Variants in USP54 observed in about 807,000 individuals in gnomAD.
The protein encoded by USP54 is ubiquitin carboxyl-terminal hydrolase 54.
A neutral mutation model predicts 170.5 loss-of-function variants in USP54; 87 were observed. That is an observed-to-expected ratio of 0.51 (90% confidence interval 0.43 to 0.61). The LOEUF (loss-of-function observed/expected upper bound fraction) is 0.61, where lower values mean the gene tolerates loss of function less well. USP54 is among the 20% of genes least tolerant of loss of function. The probability of loss-of-function intolerance (pLI) is 0.00; values close to 1 mark genes in which losing one functional copy is unlikely to be tolerated. For missense variants in USP54, 1,786 were observed against 2,047.8 expected (o/e 0.87, Z 2.47); for synonymous variants, 655 against 742.8 (o/e 0.88, Z 1.92).
chr10:73,516,809 G>T lies in USP54; in HGVS notation c.3617C>A (p.Ser1206Tyr). 3.1e-6 allele frequency: 5 copies of T among 1,614,214 alleles called. No homozygotes were observed. The South Asian group carries it at 5.5e-5, about 18-fold the overall frequency. Residue 1206 changes from serine to tyrosine, a missense_variant, in exon 20 of 24, where the codon TCT (serine) becomes TAT (tyrosine). By Grantham distance (144) the Ser-to-Tyr change is moderately radical. This residue lies in a region of USP54 where 1,418 missense variants were observed against 1,569.0 expected (regional missense o/e 0.90). Coordinates refer to ENST00000687698, the MANE Select transcript of USP54 (RefSeq NM_001391956.1). ...PLSWEESTEH[S>Y]SLALNSGLPN... The stretch of plus-strand genomic sequence containing the variant: ...CAGCCCAGAGTTTAAGGCAAGAGAA[G>T]AATGTTCAGTGGACTCTTCCCAGGA...
At chr10:73,616,021 A>G (rs1415132913) in intron 1 of USP54, among the ~76,000 whole-genome samples, 5 of 150,262 alleles carry the variant, frequency 3.3e-5, no homozygotes, top group Non-Finnish European at 5.9e-5. Context: ...AGCCTGGCCA[A>G]CATGGCAAAA....
rs117664956 is a variant in USP54 at position 73,505,557 on chromosome 10, G to A, written c.4052-131C>T. On this transcript the variant is annotated intron_variant, in intron 20 of 23. Transcript: ENST00000687698. ...AATATGCATCCTTGAATTCAACGGA[G>A]GAACATGCTCCTGGAATTTAGAAGC... is the stretch of plus-strand genomic sequence containing the variant. The A allele has an allele frequency of 6.0e-3, 4,260 of 711,692 alleles. 20 individuals carry two copies. The highest frequency in any genetic ancestry group is 8.5e-3 in the Non-Finnish European group (3,745 of 438,044). The allele number at this position is 711,692 out of a possible 1,614,324, so 44.1% of individuals were successfully genotyped here. A position where few individuals can be genotyped will look rare whatever the true frequency, so the allele number is the denominator to read the frequency against.
intron 20 of USP54, among the ~76,000 whole-genome samples, chr10:73,513,017 C>T (rs2060456601): frequency 6.6e-6 from 1 of 150,986 alleles, no homozygotes; most frequent in African/African-American, 2.4e-5. Context: ...AACATGAGAC[C>T]CTGTCTCAAA....
chr10:73,525,515 C>A (rs1404694800), intron 16 of USP54, among the ~76,000 whole-genome samples: 1 of 152,120 alleles, frequency 6.6e-6, no homozygotes, highest in East Asian at 1.9e-4. Context: ...TTCAGGAGAT[C>A]ATGAGACTCA....
At chr10:73,579,843 T>C (rs932974088) in intron 1 of USP54, among the ~76,000 whole-genome samples, 1 of 152,078 alleles carries the variant, frequency 6.6e-6, no homozygotes, top group Non-Finnish European at 1.5e-5. Context: ...AAACAAGATA[T>C]ACAAATGGTA....
At chr10:73,539,648 C>A in intron 9 of USP54, 55 bp from the exon 10 acceptor site, 4 of 1,506,088 alleles carry the variant, frequency 2.7e-6, no homozygotes, top group Non-Finnish European at 3.6e-6. Flanking sequence ...CATTCCACAT[C>A]ATCTCTCAGC....
chr10:73,605,042 A>G (rs191286746), intron 1 of USP54, among the ~76,000 whole-genome samples: 1 of 152,024 alleles, frequency 6.6e-6, no homozygotes, highest in East Asian at 1.9e-4. Context: ...TGCATTTACA[A>G]TCCTTTAGCT....
intron 4 of USP54, among the ~76,000 whole-genome samples, chr10:73,547,229 C>T (rs1459325350): frequency 1.3e-5 from 2 of 152,096 alleles, no homozygotes; most frequent in Non-Finnish European, 2.9e-5. Context: ...TGGTGAAACC[C>T]CGTCTCTACT....
chr10:73,567,654 A>G (rs1165570373), intron 4 of USP54, among the ~76,000 whole-genome samples: 1 of 152,206 alleles, frequency 6.6e-6, no homozygotes, highest in Non-Finnish European at 1.5e-5. Flanking sequence ...TCTGTGCAAC[A>G]AGAGTGAAAC....
At chr10:73,548,735 G>C (rs897716459) in intron 4 of USP54, among the ~76,000 whole-genome samples, 1 of 152,088 alleles carries the variant, frequency 6.6e-6, no homozygotes, top group East Asian at 1.9e-4. Context: ...GTCGGGAGGT[G>C]GGGGGCTGAG....
intron 16 of USP54, among the ~76,000 whole-genome samples, chr10:73,526,136 T>C (rs1220302510): frequency 6.6e-6 from 1 of 152,096 alleles, no homozygotes; most frequent in Non-Finnish European, 1.5e-5. Flanking sequence ...TCCCTCCAGG[T>C]AGAAAGAAAT....
intron 19 of USP54, 151 bp from the exon 20 acceptor site, chr10:73,517,898 C>T (rs1190153843): frequency 9.4e-7 from 1 of 1,064,190 alleles, no homozygotes; most frequent in Non-Finnish European, 1.3e-6. Flanking sequence ...GTCAGTAGTT[C>T]AGAGGATCAC....
At chr10:73,551,003 G>T (rs888673872) in intron 4 of USP54, among the ~76,000 whole-genome samples, 2 of 152,142 alleles carry the variant, frequency 1.3e-5, no homozygotes, top group Admixed American at 1.3e-4. Context: ...TACTGCGGAG[G>T]CTGAGGCAGG....
In USP54 at chr10:73,500,772, CAG is replaced by C; in HGVS notation, c.4376_4377del (p.Pro1459ArgfsTer4). On this transcript the variant is annotated frameshift_variant, in exon 23 of 24. Transcript: ENST00000687698. LOFTEE classifies it high-confidence loss of function. Reference sequence around the variant, plus strand: ...AGAAACACAGAAGGGTCATGGATGACAGGGAGGGAAGAGGAGCTGGAACAACG... The same window carrying C: ...AGAAACACAGAAGGGTCATGGATGACGGAGGGAAGAGGAGCTGGAACAACG... The part of the protein sequence containing the change: ...GHRCSSSSSL[P>X]VIHDPSVFLL... The C allele has an allele frequency of 6.2e-7, 1 of 1,600,866 alleles. No homozygotes were observed. The highest frequency in any genetic ancestry group is 8.5e-7 in the Non-Finnish European group (1 of 1,175,242).
At chr10:73,539,990 G>A (rs2066241393) in intron 9 of USP54, among the ~76,000 whole-genome samples, 1 of 152,028 alleles carries the variant, frequency 6.6e-6, no homozygotes, top group Non-Finnish European at 1.5e-5. Flanking sequence ...GCTGGGTGTG[G>A]TGGTGCATGT....
At chr10:73,561,700 T>C (rs916273239) in intron 4 of USP54, among the ~76,000 whole-genome samples, 2 of 152,184 alleles carry the variant, frequency 1.3e-5, no homozygotes, top group African/African-American at 4.8e-5. Context: ...TTAAAATGTT[T>C]GTAATCATGC....
At chr10:73,612,258 C>A (rs2080210379) in intron 1 of USP54, among the ~76,000 whole-genome samples, 1 of 151,920 alleles carries the variant, frequency 6.6e-6, no homozygotes, top group Non-Finnish European at 1.5e-5. Flanking sequence ...TAAATGCAAC[C>A]CCTCTAACTC....
At position 73,513,925 on chromosome 10, in the gene USP54, C is replaced by T. The variant is rs567170550; in HGVS notation, c.4051+2450G>A. Among the ~76,000 whole-genome samples, 25 of 152,250 alleles carry T rather than the reference C, an allele frequency of 1.6e-4. No homozygotes were observed. The South Asian group carries it at 5.2e-3, about 32-fold the overall frequency. ...CACCTCCTGGGTTCAAGCAATTCTC[C>T]TGCCATCAGCCCCCCAAATAGCTGG... On this transcript the variant is annotated intron_variant, in intron 20 of 23. Transcript: ENST00000687698.
At chr10:73,511,644 AGCGAGACTCT>A (rs2060232796) in intron 20 of USP54, among the ~76,000 whole-genome samples, 1 of 151,950 alleles carries the variant, frequency 6.6e-6, no homozygotes, top group African/African-American at 2.4e-5. Flanking sequence ...TGGGCAACAG[AGCGAGACTCT>A]GTCTCAAAAA....
Sources: gnomAD v4.1 joint callset for allele counts (sites outside exome capture counted in the v4.1 genomes callset) on GRCh38, gnomAD v4.1.1 for gene constraint, gnomAD v4.1.1 regional missense constraint, MANE v1.5 for transcripts, NCBI Gene and HGNC (gene_info 2026-07-23, HGNC 2026-07-21) for gene names.